Variants in RGS6 observed in about 807,000 individuals in gnomAD.
The protein encoded by RGS6 is regulator of G protein signaling 6.
RGS6 carries 30 observed loss-of-function variants against 78.5 expected under a neutral mutation model. The ratio of observed to expected loss-of-function variants is 0.38; its 90% CI spans 0.29 to 0.52. The LOEUF is 0.52. Among genes scored for constraint, RGS6 ranks in the 20% least tolerant of loss-of-function variants. The pLI is 0.85. For synonymous variants in RGS6, 206 were observed against 206.0 expected (o/e 1.00, Z 0.00); for missense variants, 495 against 609.7 (o/e 0.81, Z 1.98).
chr14:71,943,278 A>T (rs957509855), intron 1 of RGS6, among the ~76,000 whole-genome samples: 9 of 152,168 alleles, frequency 5.9e-5, no homozygotes, highest in African/African-American at 9.7e-5. Context: ...AGAATAATTT[A>T]AAAAATACCC....
intron 3 of RGS6, among the ~76,000 whole-genome samples, chr14:72,390,034 G>A (rs2089504874): frequency 6.7e-6 from 1 of 150,204 alleles, no homozygotes; most frequent in Admixed American, 6.6e-5. Context: ...AAAATAAACG[G>A]TTCTTTAAAA....
chr14:72,325,570 A>G (rs2152541625), intron 2 of RGS6, among the ~76,000 whole-genome samples: 1 of 152,280 alleles, frequency 6.6e-6, no homozygotes, highest in East Asian at 1.9e-4. Context: ...CTTTCTACAT[A>G]TGGCTAGCCA....
intron 2 of RGS6, among the ~76,000 whole-genome samples, chr14:72,297,817 A>G (rs536203490): frequency 6.6e-6 from 1 of 151,944 alleles, no homozygotes; most frequent in East Asian, 1.9e-4. Flanking sequence ...GGTTTTCAGT[A>G]TATATCTCAC....
At chr14:72,403,923 A>G (rs1324953348) in intron 3 of RGS6, among the ~76,000 whole-genome samples, 2 of 152,220 alleles carry the variant, frequency 1.3e-5, no homozygotes, top group African/African-American at 4.8e-5. Context: ...TTGAACCTGT[A>G]ATAAAGTTAC....
chr14:72,477,749 A>G (rs907818961), intron 11 of RGS6, among the ~76,000 whole-genome samples: 2 of 151,282 alleles, frequency 1.3e-5, no homozygotes, highest in African/African-American at 4.9e-5. Flanking sequence ...GTGAGCTGAG[A>G]TCATGCCGCT....
At chr14:72,029,995 A>G (rs1454621991) in intron 2 of RGS6, among the ~76,000 whole-genome samples, 1 of 152,230 alleles carries the variant, frequency 6.6e-6, no homozygotes, top group Non-Finnish European at 1.5e-5. Flanking sequence ...TTTGATTCTT[A>G]TCCTGTCAAT....
upstream of RGS6, among the ~76,000 whole-genome samples, chr14:71,929,192 G>A (rs777475936): frequency 1.3e-5 from 2 of 152,092 alleles, no homozygotes; most frequent in Non-Finnish European, 2.9e-5. Flanking sequence ...TTAATCCATT[G>A]AATCCACAGA....
intron 2 of RGS6, among the ~76,000 whole-genome samples, chr14:72,300,006 A>G (rs1438270761): frequency 1.3e-5 from 2 of 151,700 alleles, no homozygotes; most frequent in Non-Finnish European, 2.9e-5. Flanking sequence ...TCTCCTTTTT[A>G]CTACTTCATT....
rs60280790 is a variant in RGS6 at position 72,453,615 on chromosome 14, C to CAAA, written c.185-890_185-888dup. Reference sequence around the variant, plus strand: ...TGGGCGACAGAGCGAGACTCCGTCTCAAAAAAAAAAAAAAAAAAAAAAAAA... The same window carrying CAAA: ...TGGGCGACAGAGCGAGACTCCGTCTCAAAAAAAAAAAAAAAAAAAAAAAAAAAA... On this transcript the variant is annotated intron_variant, in intron 3 of 17. Transcript: ENST00000553525. 5.3e-3 allele frequency among the ~76,000 whole-genome samples: 275 copies of CAAA among 51,954 alleles called. 15 individuals are homozygous for CAAA. The highest frequency in any genetic ancestry group is 0.015 in the African/African-American group (223 of 15,090). The allele number at this position is 51,954 out of a possible 152,430, so 34.1% of individuals were successfully genotyped here.
intron 2 of RGS6, among the ~76,000 whole-genome samples, chr14:72,014,841 G>A (rs1032877086): frequency 4.6e-5 from 7 of 152,022 alleles, no homozygotes; most frequent in African/African-American, 7.3e-5. Flanking sequence ...CTCCATACCC[G>A]TCTGCCTTCT....
Position 72,285,544 on chromosome 14 carries a change from G to T in RGS6, c.85-66551G>T, listed in dbSNP as rs984006103. Among the ~76,000 whole-genome samples the T allele has an allele frequency of 2.0e-5, 3 of 152,100 alleles. No homozygotes were observed. The East Asian group carries it at 5.8e-4, about 29-fold the overall frequency. ...TTTTCCTTATAAATTACCCAGTCTT[G>T]TGTATGTCTTTATCAGCAGCATGAA... On this transcript the variant is annotated intron_variant, in intron 2 of 17. Transcript: ENST00000553525.
At chr14:72,144,694 A>T (rs553445208) in intron 2 of RGS6, among the ~76,000 whole-genome samples, 25 of 151,982 alleles carry the variant, frequency 1.6e-4, no homozygotes, top group Middle Eastern at 3.4e-3. Context: ...AAAAGAAGAC[A>T]CCATTCCTGC....
intron 2 of RGS6, among the ~76,000 whole-genome samples, chr14:72,333,233 G>C (rs1050525288): frequency 3.9e-5 from 6 of 152,190 alleles, no homozygotes; most frequent in Non-Finnish European, 8.8e-5. Context: ...TCATTTCCGG[G>C]GGAAAATGTG....
chr14:72,042,349 A>C (rs1314365873), intron 2 of RGS6, among the ~76,000 whole-genome samples: 3 of 151,846 alleles, frequency 2.0e-5, no homozygotes, highest in Non-Finnish European at 4.4e-5. Flanking sequence ...GGCTGGTCTC[A>C]AACTCCTGAT....
chr14:72,254,623 CACT>C (rs2056658131), intron 2 of RGS6, among the ~76,000 whole-genome samples: 1 of 152,096 alleles, frequency 6.6e-6, no homozygotes, highest in Admixed American at 6.6e-5. Context: ...CTCTGATCAC[CACT>C]GATATTTCTA....
At chr14:72,461,891 G>C (rs1566906276) in intron 6 of RGS6, among the ~76,000 whole-genome samples, 1 of 152,138 alleles carries the variant, frequency 6.6e-6, no homozygotes. Flanking sequence ...AATGGCACTT[G>C]TCTCCTAGTG....
At chr14:72,465,582 A>T (rs1220096959) in intron 6 of RGS6, among the ~76,000 whole-genome samples, 176 bp from the exon 7 acceptor site, 47 of 149,390 alleles carry the variant, frequency 3.1e-4, no homozygotes, top group African/African-American at 1.0e-3. Context: ...GGATGGATGG[A>T]TGGATGGATG....
chr14:72,058,935 G>A lies in RGS6; in HGVS notation c.84+94060G>A, dbSNP rs530972486. Among the ~76,000 whole-genome samples the A allele has an allele frequency of 3.9e-4, 59 of 152,084 alleles. 1 individual carries two copies. The highest frequency in any genetic ancestry group is 7.9e-4 in the Admixed American group (12 of 15,268). On this transcript the variant is annotated intron_variant, in intron 2 of 17. Coordinates refer to ENST00000553525, the MANE Select transcript of RGS6 (RefSeq NM_001204424.2). ...TTTATTTTTTCTGAGACAGAGTCTCGCTCTGTTGCCCATGATGGAGTACAG... is the reference window on the plus strand; with the variant it reads ...TTTATTTTTTCTGAGACAGAGTCTCACTCTGTTGCCCATGATGGAGTACAG...
intron 2 of RGS6, among the ~76,000 whole-genome samples, chr14:72,262,617 G>A (rs1431398010): frequency 6.6e-6 from 1 of 152,194 alleles, no homozygotes; most frequent in East Asian, 1.9e-4. Context: ...TAACAGAGAG[G>A]AAGAAAGAGA....
Sources: allele counts gnomAD v4.1 joint callset (sites outside exome capture counted in the v4.1 genomes callset), GRCh38; gene constraint gnomAD v4.1.1; transcripts MANE v1.5; gene names NCBI Gene and HGNC (gene_info 2026-07-23, HGNC 2026-07-21).